Variants in SLC22A23 observed in about 807,000 individuals in gnomAD.
SLC22A23 encodes solute carrier family 22 member 23, also known as ion transporter protein.
SLC22A23 carries 26 observed loss-of-function variants against 61.0 expected under a neutral mutation model. That is an observed-to-expected ratio of 0.43 (90% CI 0.31 to 0.59). The LOEUF (loss-of-function observed/expected upper bound fraction) is 0.59. SLC22A23 is among the 20% of genes least tolerant of loss of function. The pLI, the probability that SLC22A23 is intolerant of heterozygous loss-of-function variation, is 0.11. For missense variants in SLC22A23, 796 were observed against 934.7 expected (o/e 0.85, Z 1.94); for synonymous variants, 430 against 413.9 (o/e 1.04, Z -0.47).
At position 3,328,239 on chromosome 6, in the gene SLC22A23, G is replaced by T. The variant is rs570616413; in HGVS notation, c.914-4237C>A. Among the ~76,000 whole-genome samples the T allele has an allele frequency of 2.0e-5, 3 of 151,910 alleles. No individual in the cohort carries two copies. The highest frequency in any genetic ancestry group is 7.3e-5 in the African/African-American group (3 of 41,372). On this transcript the variant is annotated intron_variant, in intron 3 of 9. Transcript: ENST00000406686. The surrounding 1 kb of genome is among the most constrained non-coding windows in gnomAD (Gnocchi z 5.0). The stretch of plus-strand genomic sequence containing the variant: ...CAGTACGTAGCTGAGACTGAACTGA[G>T]GCATTTGTTTAGTGAATCAACAGGG...
chr6:3,416,860 G>C (rs924972804), intron 1 of SLC22A23, among the ~76,000 whole-genome samples: 1 of 152,230 alleles, frequency 6.6e-6, no homozygotes, highest in African/African-American at 2.4e-5. Context: ...ATGCATTTGG[G>C]AACACCGGAG....
chr6:3,432,414 C>A, intron 1 of SLC22A23: 1 of 984,938 alleles, frequency 1.0e-6, no homozygotes, highest in Non-Finnish European at 1.2e-6. Context: ...AGGAACCAAT[C>A]TTCCTTGCTG....
At chr6:3,323,421 G>A (rs914773250) in intron 4 of SLC22A23, 14 of 440,412 alleles carry the variant, frequency 3.2e-5, no homozygotes, top group Middle Eastern at 7.1e-4. Context: ...CCCACCCCTC[G>A]CCTAGAAGAG....
In SLC22A23 at chr6:3,410,333, C is replaced by T; in HGVS notation, c.768G>A (p.Arg256=). Residue 256 remains arginine, a synonymous_variant, in exon 3 of 10, where the codon CGG becomes CGA. Transcript: ENST00000406686. The surrounding 1 kb of genome is among the most constrained non-coding windows in gnomAD (Gnocchi z 5.0). ...TGATGGAAAACAGCAGCACAGGCCG[C>T]CGGCCGACCCTGCATATGGAGAGGG... The part of the protein sequence containing the change: ...ITGCIADWVG[R]RPVLLFSIIF... The T allele has an allele frequency of 1.2e-6, 2 of 1,606,856 alleles. No homozygotes were observed. The highest frequency in any genetic ancestry group is 1.7e-6 in the Non-Finnish European group (2 of 1,176,916).
At chr6:3,383,171 G>A (rs536606402) in intron 3 of SLC22A23, among the ~76,000 whole-genome samples, 10 of 152,288 alleles carry the variant, frequency 6.6e-5, no homozygotes, top group South Asian at 4.1e-4. Context: ...CAACACAGGC[G>A]GCATCTCAGA....
At chr6:3,434,121 C>G (rs1771049360) in intron 1 of SLC22A23, among the ~76,000 whole-genome samples, 1 of 152,134 alleles carries the variant, frequency 6.6e-6, no homozygotes, top group Non-Finnish European at 1.5e-5. Flanking sequence ...CGAGACCAGC[C>G]TGACCAACAT....
chr6:3,343,463 ACACACACACG>A (rs1385610536), intron 3 of SLC22A23, among the ~76,000 whole-genome samples: 1 of 151,916 alleles, frequency 6.6e-6, no homozygotes, highest in African/African-American at 2.4e-5. Context: ...CTGCAAATAC[ACACACACACG>A]CACACACACA....
At chr6:3,428,738 G>A (rs541270359) in intron 1 of SLC22A23, among the ~76,000 whole-genome samples, 8 of 152,214 alleles carry the variant, frequency 5.3e-5, no homozygotes, top group Non-Finnish European at 1.2e-4. Context: ...TCTCCTCCCT[G>A]TCTAGCTGCA....
chr6:3,327,991 T>C lies in SLC22A23; in HGVS notation c.914-3989A>G, dbSNP rs1763372163. 6.6e-6 allele frequency among the ~76,000 whole-genome samples: 1 copy of C among 152,112 alleles called. No individual in the cohort carries two copies. The highest frequency in any genetic ancestry group is 1.5e-5 in the Non-Finnish European group (1 of 68,022). ...CTAGAGCATTTCAGATTTCAGATGT[T>C]CTGATTAGGGATGCCCAACCTGCAT... On this transcript the variant is annotated intron_variant, in intron 3 of 9. Coordinates refer to ENST00000406686, the MANE Select transcript of SLC22A23 (RefSeq NM_015482.2). This position sits in a 1 kb window ranked among gnomAD's most constrained non-coding sequence, Gnocchi z 4.1.
Position 3,269,369 on chromosome 6 carries a change from C to T in SLC22A23, c.*3686G>A, listed in dbSNP as rs1758328061. The T allele has an allele frequency of 1.3e-5, 2 of 152,366 alleles. No individual in the cohort carries two copies. Among genetic ancestry groups the T allele is most frequent in the Non-Finnish European group, 2.9e-5 (2 of 68,038 alleles). The allele number at this position is 152,366 out of a possible 1,614,324, so 9.4% of individuals were successfully genotyped here. ...TGACGCAGTGAGGTCTGAATGAACA[C>T]GGAGGATTTTATTACTCACCATTAA... On this transcript the variant is annotated 3_prime_UTR_variant, in exon 10 of 10. Transcript: ENST00000406686.
chr6:3,302,037 T>G (rs924315871), intron 4 of SLC22A23, among the ~76,000 whole-genome samples: 1 of 152,274 alleles, frequency 6.6e-6, no homozygotes, highest in Non-Finnish European at 1.5e-5. Flanking sequence ...AAAGTTTCAG[T>G]AGAATTCAGC....
chr6:3,369,690 CA>C (rs56226023), intron 3 of SLC22A23, among the ~76,000 whole-genome samples: 10,591 of 144,980 alleles, frequency 0.073, 588 homozygotes, highest in African/African-American at 0.16. Context: ...GACTCCATCT[CA>C]AAAAAAAAAA....
chr6:3,287,746 A>T (rs1220838951), intron 6 of SLC22A23, among the ~76,000 whole-genome samples: 1 of 151,726 alleles, frequency 6.6e-6, no homozygotes, highest in African/African-American at 2.4e-5. Flanking sequence ...TGCAGTGGCA[A>T]GATCTCAGCT....
chr6:3,441,885 C>T (rs758030861), intron 1 of SLC22A23, among the ~76,000 whole-genome samples: 1 of 152,180 alleles, frequency 6.6e-6, no homozygotes, highest in South Asian at 2.1e-4. Context: ...GACAGGGACA[C>T]CACGCAAGCA....
intron 4 of SLC22A23, chr6:3,311,605 G>A (rs1416531282): frequency 1.3e-5 from 2 of 152,192 alleles, no homozygotes; most frequent in Admixed American, 1.3e-4. Flanking sequence ...GAGATGGGAT[G>A]AGTATCATGA....
intron 1 of SLC22A23, among the ~76,000 whole-genome samples, chr6:3,445,411 C>A (rs1050357618): frequency 6.6e-6 from 1 of 152,180 alleles, no homozygotes; most frequent in Non-Finnish European, 1.5e-5. Flanking sequence ...TGTTGGCCAG[C>A]TGGTCTCAAA....
intron 5 of SLC22A23, among the ~76,000 whole-genome samples, chr6:3,295,857 T>C (rs934832839): frequency 6.6e-6 from 1 of 152,104 alleles, no homozygotes; most frequent in African/African-American, 2.4e-5. Context: ...CCCAAGGAGG[T>C]GAAGCCTCTA....
chr6:3,410,967 G>A lies in SLC22A23; in HGVS notation c.759-625C>T, dbSNP rs1458319734. On this transcript the variant is annotated intron_variant, in intron 2 of 9. Coordinates refer to ENST00000406686, the MANE Select transcript of SLC22A23 (RefSeq NM_015482.2). This position sits in a 1 kb window ranked among gnomAD's most constrained non-coding sequence, Gnocchi z 5.0. ...GACCTGATAGTGAGCTGACAGTGCAGCCCCTCGGCTGGACTGAGAGGCAGG... is the reference window on the plus strand; with the variant it reads ...GACCTGATAGTGAGCTGACAGTGCAACCCCTCGGCTGGACTGAGAGGCAGG... 1.3e-5 allele frequency among the ~76,000 whole-genome samples: 2 copies of A among 152,226 alleles called. No homozygotes were observed. Among genetic ancestry groups the A allele is most frequent in the Non-Finnish European group, 2.9e-5 (2 of 68,042 alleles).
intron 1 of SLC22A23, among the ~76,000 whole-genome samples, chr6:3,424,996 A>G (rs1770395463): frequency 6.6e-6 from 1 of 152,166 alleles, no homozygotes; most frequent in Non-Finnish European, 1.5e-5. Context: ...GTCAGGTAGG[A>G]ATGACCCTCC....
Sources: gnomAD v4.1 joint callset for allele counts (sites outside exome capture counted in the v4.1 genomes callset) on GRCh38, gnomAD v4.1.1 for gene constraint, Gnocchi (gnomAD v3.1) non-coding constraint, MANE v1.5 for transcripts, NCBI Gene and HGNC (gene_info 2026-07-23, HGNC 2026-07-21) for gene names.